Variants in RHBDD3 observed in about 807,000 individuals in gnomAD.
RHBDD3 encodes rhomboid domain containing 3, also known as rhomboid domain-containing protein 3.
Under a neutral mutation model 32.3 loss-of-function variants are expected in RHBDD3, and 34 were observed. The observed-to-expected ratio is 1.05, with a 90% confidence interval of 0.80 to 1.40. RHBDD3 has a LOEUF of 1.40. Ranked by LOEUF, RHBDD3 falls within the 40% of genes most tolerant of loss-of-function variation. The pLI, the probability that RHBDD3 is intolerant of heterozygous loss-of-function variation, is 0.00. For missense variants in RHBDD3, 482 were observed against 492.6 expected, an observed-to-expected ratio of 0.98 and a Z score of 0.20; for synonymous variants, 249 against 239.1, an observed-to-expected ratio of 1.04 and a Z score of -0.38.
chr22:29,260,800 G>A lies in RHBDD3; in HGVS notation c.597C>T (p.Gly199=), dbSNP rs752167661. The A allele has an allele frequency of 1.8e-5, 29 of 1,607,480 alleles. No homozygotes were observed. Among genetic ancestry groups the A allele is most frequent in the Admixed American group, 3.4e-5 (2 of 59,324 alleles). The change falls in exon 5 of 7, where the codon GGC becomes GGT. Residue 199 remains glycine, a synonymous_variant. Coordinates refer to ENST00000216085, the MANE Select transcript of RHBDD3 (RefSeq NM_012265.3). ...SERRLQVLQE[G]VLCRTLAGCW... ...ACCCCGCCAAGGTCCTGCACAAGAC[G>A]CCCTCCTGCAGCACCTGCAGCCGTC...
At chr22:29,261,031 C>G in intron 4 of RHBDD3, 167 bp from the exon 5 acceptor site, 1 of 730,032 alleles carries the variant, frequency 1.4e-6, no homozygotes, top group Non-Finnish European at 2.2e-6. Context: ...AGCAGAGGCT[C>G]AGAAAGGAAA....
intron 4 of RHBDD3, among the ~76,000 whole-genome samples, chr22:29,262,981 T>C (rs1260963493): frequency 2.6e-5 from 4 of 151,880 alleles, no homozygotes; most frequent in Non-Finnish European, 5.9e-5. Flanking sequence ...GTTCAAGTGA[T>C]TCTCCTGTCT....
intron 2 of RHBDD3, among the ~76,000 whole-genome samples, chr22:29,266,006 CA>C (rs1331570665): frequency 1.3e-5 from 2 of 152,172 alleles, no homozygotes; most frequent in Non-Finnish European, 2.9e-5. Flanking sequence ...CCCCTTCCCT[CA>C]GACTACTACC....
rs2058153699 is a variant in RHBDD3, at chr22:29,264,310, G to A, written c.149-92C>T. On this transcript the variant is annotated intron_variant, in intron 3 of 6. Coordinates refer to ENST00000216085, the MANE Select transcript of RHBDD3 (RefSeq NM_012265.3). ...CCAGGTTGAAGGTTACGCTACACCA[G>A]GGCCACCTGCTGAGCCCACCTCCCC... The A allele has an allele frequency of 2.8e-6, 4 of 1,436,426 alleles. No individual in the cohort carries two copies. In the Admixed American group the frequency reaches 1.2e-4, roughly 42 times the overall value. 89.0% of individuals were successfully genotyped at this position (1,436,426 alleles called of 1,614,324 possible).
chr22:29,262,813 TCTC>T (rs781638292), intron 4 of RHBDD3, among the ~76,000 whole-genome samples: 1 of 152,168 alleles, frequency 6.6e-6, no homozygotes, highest in Non-Finnish European at 1.5e-5. Flanking sequence ...TTCAAGCAAT[TCTC>T]CTGTCTCAGT....
chr22:29,264,602 T>G (rs911082393), intron 3 of RHBDD3: 7 of 809,218 alleles, frequency 8.7e-6, no homozygotes, highest in Non-Finnish European at 1.0e-5. Flanking sequence ...TCCCTCAAGC[T>G]GTGTGACCCT....
chr22:29,267,096 A>C (rs2058217607), intron 2 of RHBDD3, among the ~76,000 whole-genome samples: 1 of 152,196 alleles, frequency 6.6e-6, no homozygotes, highest in Non-Finnish European at 1.5e-5. Flanking sequence ...ATGTTCACTG[A>C]AAAAAGGACA....
At chr22:29,260,996 A>G (rs890335261) in intron 4 of RHBDD3, 132 bp from the exon 5 acceptor site, 5 of 907,350 alleles carry the variant, frequency 5.5e-6, no homozygotes, top group East Asian at 2.7e-5. Flanking sequence ...GTGGACCAGC[A>G]TGGAATAGCG....
chr22:29,264,809 A>G (rs2058157986), intron 3 of RHBDD3, among the ~76,000 whole-genome samples: 1 of 151,498 alleles, frequency 6.6e-6, no homozygotes, highest in Non-Finnish European at 1.5e-5. Flanking sequence ...ATGGAGTCTC[A>G]CTCTGTCACC....
intron 4 of RHBDD3, among the ~76,000 whole-genome samples, chr22:29,261,601 T>C (rs1432744256): frequency 6.7e-6 from 1 of 150,156 alleles, no homozygotes; most frequent in Non-Finnish European, 1.5e-5. Flanking sequence ...CTCTAAAAAT[T>C]AAAAAAAAAA....
chr22:29,261,233 C>G (rs556886652), intron 4 of RHBDD3: 26 of 509,708 alleles, frequency 5.1e-5, no homozygotes, highest in African/African-American at 4.8e-4. Flanking sequence ...TGGATAACTC[C>G]TGTCACCAAT....
chr22:29,265,757 TAC>T (rs1340758442), intron 2 of RHBDD3, 89 bp from the exon 3 acceptor site: 2 of 1,307,522 alleles, frequency 1.5e-6, no homozygotes, highest in African/African-American at 3.1e-5. Context: ...AGCCCTATTT[TAC>T]AGAGGTGGAA....
Position 29,259,978 on chromosome 22 carries a change from A to C in RHBDD3, c.*82T>G. The C allele has an allele frequency of 7.0e-7, 1 of 1,423,324 alleles. No homozygotes were observed. Among genetic ancestry groups the C allele is most frequent in the Non-Finnish European group, 9.5e-7 (1 of 1,057,198 alleles). The allele number at this position is 1,423,324 out of a possible 1,614,324, so 88.2% of individuals were successfully genotyped here. A position where few individuals can be genotyped will look rare whatever the true frequency, so the allele number is the denominator to read the frequency against. ...TGCTCCCCACTGTGGCCCTCTTTAG[A>C]CAGAGTAGGAGCTCGGGCTACCCAC... On this transcript the variant is annotated 3_prime_UTR_variant, in exon 7 of 7. Transcript: ENST00000216085.
intron 2 of RHBDD3, chr22:29,267,213 AG>A (rs977583113): frequency 2.6e-5 from 4 of 152,374 alleles, no homozygotes; most frequent in Non-Finnish European, 5.9e-5. Flanking sequence ...GAAGGTGGGC[AG>A]GGTCAGCCTT....
intron 4 of RHBDD3, among the ~76,000 whole-genome samples, chr22:29,263,487 AT>A (rs956966823): frequency 3.3e-5 from 5 of 152,108 alleles, no homozygotes; most frequent in African/African-American, 1.2e-4. Context: ...CAGGCTTTTA[AT>A]TTTTTTAATT....
intron 2 of RHBDD3, among the ~76,000 whole-genome samples, chr22:29,267,040 C>G (rs1249231207): frequency 6.6e-6 from 1 of 152,204 alleles, no homozygotes; most frequent in Non-Finnish European, 1.5e-5. Flanking sequence ...CTGATCCAAC[C>G]CCACATTCCC....
chr22:29,264,100 G>A lies in RHBDD3; in HGVS notation c.267C>T (p.Phe89=). 1 of 1,585,912 alleles carries A rather than the reference G, an allele frequency of 6.3e-7. No individual in the cohort carries two copies. The change falls in exon 4 of 7, where the codon TTC becomes TTT. Residue 89 remains phenylalanine (F), a synonymous_variant. Transcript: ENST00000216085. ...GGGCGAGCAGGGCTGAGGCATGCAG[G>A]AATCTCAGCGTGCCCAGGTGGCACT... is the stretch of plus-strand genomic sequence containing the variant. ...QQECHLGTLR[F]LHASALLALA...
rs775038084 is a variant in RHBDD3, at chr22:29,260,875, G to A, written c.533-11C>T. 3.9e-5 allele frequency: 60 copies of A among 1,549,676 alleles called. 1 individual carries two copies. The highest frequency in any genetic ancestry group is 4.9e-5 in the South Asian group (4 of 81,584). On this transcript the variant is annotated splice_polypyrimidine_tract_variant and intron_variant, in intron 4 of 6. Transcript: ENST00000216085. Reference sequence around the variant, plus strand: ...AGGCCCCAGCTGCATCTGTCTGCCCGGGGCAGGGCGGCCGGTCAAGGAAAA... The same window carrying A: ...AGGCCCCAGCTGCATCTGTCTGCCCAGGGCAGGGCGGCCGGTCAAGGAAAA...
In RHBDD3 at chr22:29,260,785, G is replaced by A. The variant is rs2058106482; in HGVS notation, c.612C>T (p.Thr204=). The change falls in exon 5 of 7, where the codon ACC becomes ACT. Residue 204 remains threonine (T), a synonymous_variant. Transcript: ENST00000216085. The part of the protein sequence containing the change: ...QVLQEGVLCR[T]LAGCWPLRLL... ...GCCTCAGGGGCCAGCACCCCGCCAA[G>A]GTCCTGCACAAGACGCCCTCCTGCA... The A allele has an allele frequency of 1.2e-6, 2 of 1,604,724 alleles. No individual in the cohort carries two copies. The highest frequency in any genetic ancestry group is 1.1e-5 in the South Asian group (1 of 89,654).
Sources: gnomAD v4.1 joint callset for allele counts (sites outside exome capture counted in the v4.1 genomes callset) on GRCh38, gnomAD v4.1.1 for gene constraint, MANE v1.5 for transcripts, NCBI Gene and HGNC (gene_info 2026-07-23, HGNC 2026-07-21) for gene names.